Variants in EVI5 observed in about 807,000 individuals in gnomAD.
EVI5 encodes ecotropic viral integration site 5 protein homolog.
A neutral mutation model predicts 112.0 loss-of-function variants in EVI5; 73 were observed. That is an observed-to-expected ratio of 0.65 (90% CI 0.54 to 0.79). The LOEUF (loss-of-function observed/expected upper bound fraction) is 0.79. Among genes scored for constraint, EVI5 ranks in the 30% least tolerant of loss-of-function variants. The pLI is 0.00. For missense variants in EVI5, 900 were observed against 968.8 expected (o/e 0.93, Z 0.94); for synonymous variants, 305 against 319.9 (o/e 0.95, Z 0.50).
upstream of EVI5, among the ~76,000 whole-genome samples, chr1:92,786,089 T>TG (rs527873800): frequency 2.1e-5 from 1 of 47,822 alleles, no homozygotes; most frequent in Non-Finnish European, 5.9e-5. Context: ...ATACTCTGTC[T>TG]CAAAAAAAAA....
chr1:92,708,778 G>A (rs917847498), intron 2 of EVI5, among the ~76,000 whole-genome samples: 1 of 151,966 alleles, frequency 6.6e-6, no homozygotes, highest in Non-Finnish European at 1.5e-5. Flanking sequence ...TACCAGCCAC[G>A]AGAAGGAATT....
At chr1:92,635,793 C>T (rs1443403655) in intron 14 of EVI5, among the ~76,000 whole-genome samples, 2 of 152,154 alleles carry the variant, frequency 1.3e-5, no homozygotes, top group African/African-American at 4.8e-5. Flanking sequence ...ATCTTGGCTC[C>T]ACCCGCTCAG....
chr1:92,676,327 GAC>G, intron 10 of EVI5, among the ~76,000 whole-genome samples: 1 of 144,200 alleles, frequency 6.9e-6, no homozygotes, highest in South Asian at 2.2e-4. Context: ...TCAAAAATCA[GAC>G]ACATTCAAAC....
chr1:92,765,531 A>G (rs2103012919), intron 1 of EVI5, among the ~76,000 whole-genome samples: 1 of 151,780 alleles, frequency 6.6e-6, no homozygotes, highest in African/African-American at 2.4e-5. Context: ...TCTGATTAAA[A>G]AAAAAAAAGA....
chr1:92,659,793 T>C (rs1663662379), intron 13 of EVI5, among the ~76,000 whole-genome samples: 1 of 152,100 alleles, frequency 6.6e-6, no homozygotes, highest in African/African-American at 2.4e-5. Flanking sequence ...CATATATTTC[T>C]TGTAGATTTA....
chr1:92,753,384 T>C (rs865835704), intron 1 of EVI5, among the ~76,000 whole-genome samples: 5 of 151,958 alleles, frequency 3.3e-5, no homozygotes, highest in Admixed American at 6.5e-5. Context: ...AATAGAAATA[T>C]AAGGCAAGCC....
At chr1:92,751,143 C>T (rs573295373) in intron 1 of EVI5, among the ~76,000 whole-genome samples, 15 of 151,928 alleles carry the variant, frequency 9.9e-5, no homozygotes, top group Non-Finnish European at 1.9e-4. Flanking sequence ...GAACAAGACT[C>T]CCTCTCAAAA....
chr1:92,690,156 G>T (rs753522900), intron 9 of EVI5, among the ~76,000 whole-genome samples: 7 of 152,134 alleles, frequency 4.6e-5, no homozygotes, highest in Non-Finnish European at 1.0e-4. Flanking sequence ...GGTATTGTGG[G>T]TGTGAGCCAC....
chr1:92,706,896 C>A (rs972606396), intron 2 of EVI5, among the ~76,000 whole-genome samples: 1 of 151,982 alleles, frequency 6.6e-6, no homozygotes, highest in Non-Finnish European at 1.5e-5. Flanking sequence ...TACAGGAAAA[C>A]CATGGCCGGG....
chr1:92,651,329 G>A (rs1662048026), intron 13 of EVI5, among the ~76,000 whole-genome samples: 1 of 152,124 alleles, frequency 6.6e-6, no homozygotes. Flanking sequence ...TCTTTCCCAT[G>A]ACTAAATTGG....
At chr1:92,725,688 A>C (rs1004786024) in intron 2 of EVI5, among the ~76,000 whole-genome samples, 4 of 150,812 alleles carry the variant, frequency 2.7e-5, no homozygotes, top group Non-Finnish European at 2.9e-5. Flanking sequence ...ACGCCACTGT[A>C]CTCAAGCCTG....
chr1:92,622,409 G>A (rs1371899242), intron 16 of EVI5: 1 of 372,252 alleles, frequency 2.7e-6, no homozygotes, highest in Non-Finnish European at 5.3e-6. Flanking sequence ...AGAAACTCTT[G>A]AAGATATACA....
intron 1 of EVI5, among the ~76,000 whole-genome samples, chr1:92,781,143 C>A (rs961167905): frequency 6.6e-6 from 1 of 152,076 alleles, no homozygotes; most frequent in East Asian, 1.9e-4. Flanking sequence ...AGCCACCACG[C>A]CCGGCCTAAA....
rs995752837 is a variant in EVI5 at position 92,539,684 on chromosome 1, T to C, written c.2166+23958A>G. Among the ~76,000 whole-genome samples the C allele has an allele frequency of 5.9e-5, 9 of 152,268 alleles. 1 individual carries two copies. Among genetic ancestry groups the C allele is most frequent in the Admixed American group, 3.9e-4 (6 of 15,288 alleles). The stretch of plus-strand genomic sequence containing the variant: ...GAAACTGTCCAGAAGAGAAAGACTA[T>C]GAATTTTTAAAATGACCTTGAGATA... On this transcript the variant is annotated intron_variant, in intron 19 of 19. Coordinates refer to ENST00000684568, the MANE Select transcript of EVI5 (RefSeq NM_001350197.2).
chr1:92,710,056 T>C (rs868442823), intron 2 of EVI5, among the ~76,000 whole-genome samples: 2 of 112,000 alleles, frequency 1.8e-5, no homozygotes, highest in Non-Finnish European at 3.3e-5. Context: ...ATCACATGGG[T>C]GCACTGCCTT....
chr1:92,729,179 A>G (rs1420103733), intron 2 of EVI5, among the ~76,000 whole-genome samples: 1 of 152,210 alleles, frequency 6.6e-6, no homozygotes, highest in Admixed American at 6.5e-5. Context: ...ATAAATTCAT[A>G]CTGATTTTAT....
At chr1:92,613,711 C>T (rs1049599530) in intron 16 of EVI5, among the ~76,000 whole-genome samples, 1 of 152,202 alleles carries the variant, frequency 6.6e-6, no homozygotes, top group Non-Finnish European at 1.5e-5. Context: ...ACCTCGGCCT[C>T]TCAAGTAGCT....
At chr1:92,724,861 G>T (rs1382850448) in intron 2 of EVI5, among the ~76,000 whole-genome samples, 1 of 152,060 alleles carries the variant, frequency 6.6e-6, no homozygotes, top group Admixed American at 6.6e-5. Flanking sequence ...GGCAGCATTG[G>T]AGAAGAATTC....
At chr1:92,553,610 A>AT (rs896539010) in intron 19 of EVI5, among the ~76,000 whole-genome samples, 9 of 151,684 alleles carry the variant, frequency 5.9e-5, no homozygotes, top group African/African-American at 1.7e-4. Flanking sequence ...CAATTTTTGT[A>AT]TTTTTTTGGT....
Sources: allele counts gnomAD v4.1 joint callset (sites outside exome capture counted in the v4.1 genomes callset), GRCh38; gene constraint gnomAD v4.1.1; transcripts MANE v1.5; gene names NCBI Gene and HGNC (gene_info 2026-07-23, HGNC 2026-07-21).